Variants in TAS2R1 observed in about 807,000 individuals in gnomAD.
The protein encoded by TAS2R1 is taste receptor type 2 member 1.
For missense variants in TAS2R1, 370 were observed against 353.4 expected (o/e 1.05, Z -0.38); for synonymous variants, 141 against 134.2 (o/e 1.05, Z -0.35).
the TAS2R1 span, among the ~76,000 whole-genome samples, chr5:9,862,595 C>A: frequency 1.2e-5 from 1 of 83,706 alleles, no homozygotes; most frequent in Admixed American, 1.2e-4. Flanking sequence ...AGTCTTATTT[C>A]GTTTTATGAT....
the TAS2R1 span, among the ~76,000 whole-genome samples, chr5:9,801,703 A>C: frequency 6.6e-6 from 1 of 152,132 alleles, no homozygotes; most frequent in Non-Finnish European, 1.5e-5. Flanking sequence ...GGGAAGTGAG[A>C]CCAGCCTTTA....
chr5:9,720,800 T>C, the TAS2R1 span, among the ~76,000 whole-genome samples: 642 of 152,346 alleles, frequency 4.2e-3, 3 homozygotes, highest in Middle Eastern at 0.034. Flanking sequence ...TGAGGAATTT[T>C]AAAACCTCTG....
At chr5:9,709,799 A>G (rs1741695708) in intron 1 of TAS2R1, among the ~76,000 whole-genome samples, 1 of 152,226 alleles carries the variant, frequency 6.6e-6, no homozygotes, top group African/African-American at 2.4e-5. Context: ...GAAGCTGGAA[A>G]CACCCAGCTA....
At chr5:9,735,337 TTAAG>T in the TAS2R1 span, among the ~76,000 whole-genome samples, 2 of 151,454 alleles carry the variant, frequency 1.3e-5, no homozygotes, top group South Asian at 4.1e-4. Flanking sequence ...AGAATCTACT[TTAAG>T]TAACAACTGA....
At chr5:9,807,909 T>A in the TAS2R1 span, among the ~76,000 whole-genome samples, 1 of 139,988 alleles carries the variant, frequency 7.1e-6, no homozygotes, top group Non-Finnish European at 1.5e-5. Context: ...TAAAATAAAA[T>A]TTTAAAATGA....
the TAS2R1 span, among the ~76,000 whole-genome samples, chr5:9,879,455 C>A: frequency 6.6e-6 from 1 of 152,260 alleles, no homozygotes; most frequent in South Asian, 2.1e-4. Context: ...CTCTTGGGAT[C>A]CAGTTCTTCT....
chr5:9,871,394 C>T, the TAS2R1 span, among the ~76,000 whole-genome samples: 2 of 152,178 alleles, frequency 1.3e-5, no homozygotes, highest in East Asian at 3.9e-4. Context: ...TAGCCAATGC[C>T]ATAATTACTA....
chr5:9,709,565 G>A (rs1398298551), intron 1 of TAS2R1, among the ~76,000 whole-genome samples: 1 of 152,174 alleles, frequency 6.6e-6, no homozygotes, highest in Non-Finnish European at 1.5e-5. Context: ...TTGTTTCTGA[G>A]GTTAGATGAT....
upstream of TAS2R1, among the ~76,000 whole-genome samples, chr5:9,634,927 T>A (rs929760341): frequency 2.6e-5 from 4 of 152,140 alleles, no homozygotes; most frequent in East Asian, 7.7e-4. Flanking sequence ...CTGATTTGGA[T>A]GCCCTTTATT....
the TAS2R1 span, among the ~76,000 whole-genome samples, chr5:9,723,385 C>T: frequency 6.6e-6 from 1 of 152,152 alleles, no homozygotes; most frequent in Non-Finnish European, 1.5e-5. Flanking sequence ...CCTGTCTTCA[C>T]ATTGTGTTGC....
upstream of TAS2R1, among the ~76,000 whole-genome samples, chr5:9,633,298 A>AT: frequency 9.0e-6 from 1 of 110,734 alleles, no homozygotes; most frequent in East Asian, 3.2e-4. Flanking sequence ...TGTATATTAT[A>AT]TATATATATA....
At chr5:9,688,555 A>G (rs1016258267) in intron 1 of TAS2R1, among the ~76,000 whole-genome samples, 2 of 152,152 alleles carry the variant, frequency 1.3e-5, no homozygotes, top group African/African-American at 4.8e-5. Flanking sequence ...CGGATAATGC[A>G]GCTCTGTGTG....
At chr5:9,640,747 G>A (rs1426326165) in intron 2 of TAS2R1, among the ~76,000 whole-genome samples, 2 of 152,102 alleles carry the variant, frequency 1.3e-5, no homozygotes, top group Admixed American at 1.3e-4. Flanking sequence ...CTCATCCTCA[G>A]TACTCTTCAT....
At chr5:9,742,105 A>G in the TAS2R1 span, among the ~76,000 whole-genome samples, 124,083 of 151,950 alleles carry the variant, frequency 0.82, 50,946 homozygotes, top group East Asian at 0.94. Context: ...TGCTGGTCTC[A>G]AACTCCTGAC....
the TAS2R1 span, among the ~76,000 whole-genome samples, chr5:9,800,942 C>T: frequency 2.3e-4 from 35 of 152,118 alleles, no homozygotes; most frequent in South Asian, 5.6e-3. Context: ...CTGTAATCCC[C>T]GTACTTTGGG....
At chr5:9,736,142 A>G in the TAS2R1 span, among the ~76,000 whole-genome samples, 1 of 152,194 alleles carries the variant, frequency 6.6e-6, no homozygotes, top group South Asian at 2.1e-4. Flanking sequence ...TGCTCCTCTC[A>G]GTGTTTTACA....
chr5:9,788,516 A>G, the TAS2R1 span, among the ~76,000 whole-genome samples: 2 of 152,184 alleles, frequency 1.3e-5, no homozygotes, highest in African/African-American at 4.8e-5. Flanking sequence ...AACCCGTGAG[A>G]GCTAATTCCT....
the TAS2R1 span, among the ~76,000 whole-genome samples, chr5:9,842,675 G>A: frequency 6.6e-6 from 1 of 152,022 alleles, no homozygotes; most frequent in African/African-American, 2.4e-5. Flanking sequence ...CTGATTTGTG[G>A]CAAAGTTGCA....
chr5:9,682,740 T>G (rs557048072), intron 1 of TAS2R1, among the ~76,000 whole-genome samples: 74 of 152,244 alleles, frequency 4.9e-4, no homozygotes, highest in Non-Finnish European at 9.3e-4. Flanking sequence ...TGCCACACTG[T>G]CAATCAAACT....
Sources: allele counts gnomAD v4.1 joint callset (sites outside exome capture counted in the v4.1 genomes callset), GRCh38; gene constraint gnomAD v4.1.1; transcripts MANE v1.5; gene names NCBI Gene and HGNC (gene_info 2026-07-23, HGNC 2026-07-21).